The following KCNIP4 variants were observed in gnomAD, a reference collection of about 807,000 sequenced individuals.
The protein encoded by KCNIP4 is potassium voltage-gated channel interacting protein 4, also known as Kv channel-interacting protein 4.
In KCNIP4, 12 loss-of-function variants were observed where a neutral mutation model predicts 34.0. The observed-to-expected ratio is 0.35, with a 90% CI of 0.23 to 0.57. KCNIP4 has a LOEUF of 0.57. Ranked by LOEUF, KCNIP4 falls within the 20% of genes least tolerant of loss-of-function variation. KCNIP4 has a pLI of 0.83. For missense variants in KCNIP4, 238 were observed against 311.7 expected (o/e 0.76, Z 1.78); for synonymous variants, 124 against 102.2 (o/e 1.21, Z -1.29).
At chr4:21,565,186 G>A (rs1739765100) in intron 1 of KCNIP4, among the ~76,000 whole-genome samples, 1 of 152,140 alleles carries the variant, frequency 6.6e-6, no homozygotes, top group South Asian at 2.1e-4. Flanking sequence ...AGTTTCAGAG[G>A]CTGAGTAGTC....
At chr4:21,298,460 T>C (rs1433388790) in intron 1 of KCNIP4, among the ~76,000 whole-genome samples, 1 of 152,122 alleles carries the variant, frequency 6.6e-6, no homozygotes, top group Non-Finnish European at 1.5e-5. Flanking sequence ...TAAATAACAG[T>C]CGTCCTGGAT....
intron 1 of KCNIP4, among the ~76,000 whole-genome samples, chr4:21,877,691 C>T (rs1264566600): frequency 2.6e-5 from 4 of 152,196 alleles, no homozygotes; most frequent in Non-Finnish European, 5.9e-5. Flanking sequence ...ACCTGAAGAA[C>T]TTAGTTCCAT....
chr4:21,878,987 A>C (rs545190830), intron 1 of KCNIP4, among the ~76,000 whole-genome samples: 6 of 152,336 alleles, frequency 3.9e-5, no homozygotes, highest in Admixed American at 2.6e-4. Context: ...TGAATTTTTC[A>C]GAAGACAAAA....
chr4:20,752,561 G>T (rs1031363887), intron 4 of KCNIP4: 1 of 152,040 alleles, frequency 6.6e-6, no homozygotes, highest in African/African-American at 2.4e-5. Flanking sequence ...TGCTGTTTTT[G>T]TAGGATTTCT....
At chr4:21,050,102 C>A (rs559974339) in intron 1 of KCNIP4, among the ~76,000 whole-genome samples, 1 of 152,274 alleles carries the variant, frequency 6.6e-6, no homozygotes, top group African/African-American at 2.4e-5. Flanking sequence ...GTTGAGATAA[C>A]CCACATCTGC....
intron 1 of KCNIP4, among the ~76,000 whole-genome samples, chr4:21,084,919 A>C (rs1426511165): frequency 6.7e-6 from 1 of 150,098 alleles, no homozygotes; most frequent in African/African-American, 2.5e-5. Flanking sequence ...TACTGACTTC[A>C]TGTCATTCCA....
At chr4:21,581,272 T>C (rs998102092) in intron 1 of KCNIP4, among the ~76,000 whole-genome samples, 1 of 151,992 alleles carries the variant, frequency 6.6e-6, no homozygotes, top group African/African-American at 2.4e-5. Flanking sequence ...CTTAAGAAAT[T>C]CACAGTTCTA....
In KCNIP4 at chr4:21,337,225, G is replaced by A. The variant is rs150065282; in HGVS notation, c.62-454516C>T. 3.5e-3 allele frequency among the ~76,000 whole-genome samples: 527 copies of A among 152,274 alleles called. 9 individuals carry two copies. In the Middle Eastern group the frequency reaches 0.071, roughly 21 times the overall value. ...CCAGTTATATTGTGATTTTTATTAT[G>A]TCAAACTGTAATAAATCTTCATTAT... is the stretch of plus-strand genomic sequence containing the variant. On this transcript the variant is annotated intron_variant, in intron 1 of 8. Transcript: ENST00000382152.
chr4:21,478,308 G>A (rs1731156204), intron 1 of KCNIP4, among the ~76,000 whole-genome samples: 1 of 151,916 alleles, frequency 6.6e-6, no homozygotes, highest in Admixed American at 6.6e-5. Context: ...GAGATTTCAT[G>A]TCCCCCTTTA....
chr4:21,125,572 A>G (rs939161030), intron 1 of KCNIP4, among the ~76,000 whole-genome samples: 4 of 152,096 alleles, frequency 2.6e-5, no homozygotes, highest in African/African-American at 4.8e-5. Flanking sequence ...CTAATTCATC[A>G]GGTCTGGGGT....
chr4:21,332,989 C>T (rs952766343), intron 1 of KCNIP4, among the ~76,000 whole-genome samples: 2 of 152,024 alleles, frequency 1.3e-5, no homozygotes, highest in Non-Finnish European at 2.9e-5. Flanking sequence ...TTTACCAGCT[C>T]GGAGCCTTTG....
chr4:21,889,566 C>G (rs1248015856), intron 1 of KCNIP4, among the ~76,000 whole-genome samples: 2 of 152,002 alleles, frequency 1.3e-5, no homozygotes, highest in African/African-American at 2.4e-5. Flanking sequence ...CAAGGGAGGC[C>G]AGAGGTTTCT....
At chr4:21,764,284 A>T (rs1031218830) in intron 1 of KCNIP4, among the ~76,000 whole-genome samples, 33 of 152,094 alleles carry the variant, frequency 2.2e-4, no homozygotes, top group African/African-American at 8.0e-4. Flanking sequence ...TGAAGTTCAG[A>T]ACAGAAAAGG....
chr4:20,731,215 A>C (rs1748080764), intron 8 of KCNIP4: 2 of 174,428 alleles, frequency 1.1e-5, no homozygotes, highest in East Asian at 3.8e-4. Context: ...GACTTCAGCC[A>C]CGTGCCACCG....
At chr4:20,988,555 T>C (rs997954013) in intron 1 of KCNIP4, among the ~76,000 whole-genome samples, 4 of 152,226 alleles carry the variant, frequency 2.6e-5, no homozygotes, top group Non-Finnish European at 5.9e-5. Flanking sequence ...GTTGACATTA[T>C]AATAAATGCA....
chr4:21,206,237 C>G (rs1007052377), intron 1 of KCNIP4, among the ~76,000 whole-genome samples: 1 of 152,106 alleles, frequency 6.6e-6, no homozygotes, highest in Admixed American at 6.5e-5. Context: ...TTTTAAAATG[C>G]CAGTATGAAT....
intron 1 of KCNIP4, among the ~76,000 whole-genome samples, chr4:21,456,298 A>T (rs1189012377): frequency 1.4e-5 from 2 of 147,460 alleles, no homozygotes; most frequent in African/African-American, 2.7e-5. Context: ...GCATCTTTGA[A>T]GTCGGATCAA....
intron 1 of KCNIP4, among the ~76,000 whole-genome samples, chr4:21,777,732 T>C (rs1262457860): frequency 6.6e-6 from 1 of 152,230 alleles, no homozygotes; most frequent in East Asian, 1.9e-4. Context: ...GCAACTCAAC[T>C]ATCTTAATCA....
intron 1 of KCNIP4, among the ~76,000 whole-genome samples, chr4:21,502,213 C>T (rs112919198): frequency 3.2e-4 from 48 of 152,028 alleles, no homozygotes; most frequent in African/African-American, 1.0e-3. Flanking sequence ...AAGCTGAAAA[C>T]GGCACATTCA....
Sources: allele counts gnomAD v4.1 joint callset (sites outside exome capture counted in the v4.1 genomes callset), GRCh38; gene constraint gnomAD v4.1.1; transcripts MANE v1.5; gene names NCBI Gene and HGNC (gene_info 2026-07-23, HGNC 2026-07-21).